Variants in FLT1 observed in about 807,000 individuals in gnomAD.
The protein encoded by FLT1 is fms related receptor tyrosine kinase 1.
In FLT1, 49 loss-of-function variants were observed where a neutral mutation model predicts 156.3. The observed-to-expected ratio is 0.31, with a 90% CI of 0.25 to 0.40. The LOEUF (loss-of-function observed/expected upper bound fraction) is 0.40. Among genes scored for constraint, FLT1 ranks in the 10% least tolerant of loss-of-function variants. The probability of loss-of-function intolerance (pLI) is 1.00; values close to 1 mark genes in which losing one functional copy is unlikely to be tolerated. For missense variants in FLT1, 1,322 were observed against 1,637.2 expected (o/e 0.81, Z 3.32); for synonymous variants, 594 against 583.8 (o/e 1.02, Z -0.25).
At chr13:28,453,277 C>A (rs1879084249) in intron 3 of FLT1, among the ~76,000 whole-genome samples, 1 of 151,684 alleles carries the variant, frequency 6.6e-6, no homozygotes, top group South Asian at 2.1e-4. Flanking sequence ...GCATGTGCCA[C>A]CACACCGGGC....
In FLT1 at chr13:28,300,461, A is replaced by G. The variant is rs1216729970; in HGVS notation, c.*2706T>C. ...TCTGTAGCATATATTCTTGGTTTGT[A>G]TAAAAGTAACTTTAAAATTCCAGTT... On this transcript the variant is annotated 3_prime_UTR_variant, in exon 30 of 30. Transcript: ENST00000282397. The G allele has an allele frequency of 2.1e-5, 5 of 233,100 alleles. No homozygotes were observed. The highest frequency in any genetic ancestry group is 6.6e-5 in the African/African-American group (3 of 45,294). 14.4% of individuals were successfully genotyped at this position (233,100 alleles called of 1,614,324 possible).
At chr13:28,482,593 A>T (rs1250471054) in intron 1 of FLT1, among the ~76,000 whole-genome samples, 3 of 152,346 alleles carry the variant, frequency 2.0e-5, no homozygotes, top group African/African-American at 7.2e-5. Flanking sequence ...TGTATTTAAC[A>T]TTATCCCAAA....
chr13:28,472,822 C>G (rs1322263462), intron 1 of FLT1, among the ~76,000 whole-genome samples: 1 of 152,156 alleles, frequency 6.6e-6, no homozygotes, highest in African/African-American at 2.4e-5. Flanking sequence ...TCCTTTCCAG[C>G]TAAAAATTCT....
At position 28,405,820 on chromosome 13, in the gene FLT1, C is replaced by G. The variant is rs756699326; in HGVS notation, c.1511G>C (p.Ser504Thr). 6.2e-7 allele frequency: 1 copy of G among 1,608,812 alleles called. No homozygotes were observed. Among genetic ancestry groups the G allele is most frequent in the Middle Eastern group, 1.7e-4 (1 of 6,044 alleles). The change falls in exon 11 of 30, where the codon AGC becomes ACC. Residue 504 changes from serine (S) to threonine (T), a missense_variant. By Grantham distance (58) the Ser-to-Thr change is moderately conservative. Around this residue, in one of 3 missense-constraint regions of FLT1, gnomAD observed 991 missense variants for 1,254.8 expected, o/e 0.79. Transcript: ENST00000282397. ...TATTATTGCCATGCGCTGAGTGATG[C>G]TCTCAATTCTGTTTCCCATGTTGCT... ...ADSNMGNRIE[S>T]ITQRMAIIEG...
At chr13:28,354,834 TATATTATATATATGTG>T (rs1333377950) in intron 15 of FLT1, among the ~76,000 whole-genome samples, 1 of 152,016 alleles carries the variant, frequency 6.6e-6, no homozygotes, top group Non-Finnish European at 1.5e-5. Flanking sequence ...ATATATGCCA[TATATTATATATATGTG>T]GCAACCCATA....
chr13:28,356,874 A>G (rs1872917072), intron 15 of FLT1, among the ~76,000 whole-genome samples: 2 of 152,256 alleles, frequency 1.3e-5, no homozygotes. Context: ...TTAGCATTAG[A>G]GAATTGAAAC....
chr13:28,358,202 T>C (rs1485374618), intron 14 of FLT1, among the ~76,000 whole-genome samples: 1 of 152,216 alleles, frequency 6.6e-6, no homozygotes, highest in South Asian at 2.1e-4. Context: ...ACCAAGAGCA[T>C]GCAGTTTGAC....
At chr13:28,335,519 C>G (rs1186516698) in intron 17 of FLT1, among the ~76,000 whole-genome samples, 3 of 152,010 alleles carry the variant, frequency 2.0e-5, no homozygotes, top group African/African-American at 7.3e-5. Context: ...ACTTTTATGC[C>G]CAACTACTCA....
At chr13:28,306,146 C>T (rs1205992344) in intron 29 of FLT1, among the ~76,000 whole-genome samples, 2 of 152,124 alleles carry the variant, frequency 1.3e-5, no homozygotes, top group Admixed American at 6.5e-5. Context: ...GTGGCCACGG[C>T]GTGGAGGGAG....
At chr13:28,484,390 C>A (rs1881028984) in intron 1 of FLT1, among the ~76,000 whole-genome samples, 1 of 152,162 alleles carries the variant, frequency 6.6e-6, no homozygotes, top group East Asian at 1.9e-4. Flanking sequence ...TGTCCTCATG[C>A]TGTTGTTTGT....
At chr13:28,451,018 C>T (rs565660133) in intron 3 of FLT1, among the ~76,000 whole-genome samples, 3 of 152,272 alleles carry the variant, frequency 2.0e-5, no homozygotes, top group South Asian at 4.1e-4. Flanking sequence ...TGGGAAGCAA[C>T]GGACTGATGA....
At position 28,300,521 on chromosome 13, in the gene FLT1, C is replaced by CCACACACCCACACACCCA. The variant is rs58634271; in HGVS notation, c.*2645_*2646insTGGGTGTGTGGGTGTGTG. The CCACACACCCACACACCCA allele has an allele frequency of 1.0e-5, 2 of 196,224 alleles. No homozygotes were observed. Among genetic ancestry groups the CCACACACCCACACACCCA allele is most frequent in the African/African-American group, 4.7e-5 (2 of 42,136 alleles). The allele number at this position is 196,224 out of a possible 1,614,324, so 12.2% of individuals were successfully genotyped here. ...AGTTATGCACAAAACACACATACAC[C>CCACACACCCACACACCCA]CACACACACACACACACACACACAC... On this transcript the variant is annotated 3_prime_UTR_variant, in exon 30 of 30. Coordinates refer to ENST00000282397, the MANE Select transcript of FLT1 (RefSeq NM_002019.4).
chr13:28,358,269 G>T (rs1218181547), intron 14 of FLT1, among the ~76,000 whole-genome samples: 2 of 152,140 alleles, frequency 1.3e-5, no homozygotes, highest in East Asian at 3.8e-4. Context: ...TTGTCATAAG[G>T]CCTGGTGAGT....
intron 17 of FLT1, among the ~76,000 whole-genome samples, chr13:28,335,704 G>A (rs965600728): frequency 5.3e-5 from 8 of 152,166 alleles, no homozygotes; most frequent in Non-Finnish European, 7.3e-5. Flanking sequence ...GAGACGACAC[G>A]TTTCTCTTTT....
At chr13:28,412,234 T>G (rs1001318169) in intron 10 of FLT1, among the ~76,000 whole-genome samples, 1 of 152,202 alleles carries the variant, frequency 6.6e-6, no homozygotes, top group Admixed American at 6.5e-5. Context: ...ACATTAGCGA[T>G]TGTGTGTCTG....
At position 28,322,019 on chromosome 13, in the gene FLT1, C is replaced by T. The variant is rs779355824; in HGVS notation, c.3051+243G>A. 1.1e-4 allele frequency among the ~76,000 whole-genome samples: 16 copies of T among 152,136 alleles called. No homozygotes were observed. The highest frequency in any genetic ancestry group is 4.4e-5 in the Non-Finnish European group (3 of 68,020). ...ATATGCCAGAGGATACTGTGGAGAG[C>T]CGATGCCAGGTTTGTCTAGTCTGAA... On this transcript the variant is annotated intron_variant, in intron 22 of 29. Transcript: ENST00000282397. The surrounding 1 kb of genome is among the most constrained non-coding windows in gnomAD (Gnocchi z 4.3).
chr13:28,494,989 C>G lies in FLT1; in HGVS notation c.-146G>C, dbSNP rs1267621821. On this transcript the variant is annotated 5_prime_UTR_variant, in exon 1 of 30. Transcript: ENST00000282397. The stretch of plus-strand genomic sequence containing the variant: ...GGCTCCAGCCAGGAGACAACCACTT[C>G]CCCGGGTAATCCTCGCCGCCAGGCG... 8.8e-6 allele frequency: 5 copies of G among 570,778 alleles called. No individual in the cohort carries two copies. The East Asian group carries it at 1.4e-4, about 16-fold the overall frequency. The allele number at this position is 570,778 out of a possible 1,614,324, so 35.4% of individuals were successfully genotyped here.
At chr13:28,475,466 A>G (rs1880489584) in intron 1 of FLT1, among the ~76,000 whole-genome samples, 2 of 152,242 alleles carry the variant, frequency 1.3e-5, no homozygotes, top group South Asian at 4.1e-4. Context: ...ATTTAAGATC[A>G]TGAGCCTTTT....
At chr13:28,358,046 A>G (rs995462485) in intron 14 of FLT1, among the ~76,000 whole-genome samples, 9 of 151,716 alleles carry the variant, frequency 5.9e-5, no homozygotes, top group African/African-American at 1.9e-4. Flanking sequence ...TCTAATAATA[A>G]CAACTATCAT....
Sources: allele counts gnomAD v4.1 joint callset (sites outside exome capture counted in the v4.1 genomes callset), GRCh38; gene constraint gnomAD v4.1.1; regional missense constraint gnomAD v4.1.1; non-coding constraint Gnocchi (gnomAD v3.1); transcripts MANE v1.5; gene names NCBI Gene and HGNC (gene_info 2026-07-23, HGNC 2026-07-21).